The following SLC35F3 variants were observed in gnomAD, a reference collection of about 807,000 sequenced individuals.
SLC35F3 encodes the protein solute carrier family 35 member F3.
SLC35F3 carries 25 observed loss-of-function variants against 49.9 expected under a neutral mutation model. The ratio of observed to expected loss-of-function variants is 0.50; its 90% confidence interval spans 0.37 to 0.70. The LOEUF (loss-of-function observed/expected upper bound fraction) is 0.70, where lower values mean the gene tolerates loss of function less well. Among genes scored for constraint, SLC35F3 ranks in the 30% least tolerant of loss-of-function variants. The pLI is 0.00. For synonymous variants in SLC35F3, 275 were observed against 265.4 expected (o/e 1.04, Z -0.35); for missense variants, 525 against 639.8 (o/e 0.82, Z 1.94).
At position 234,019,029 on chromosome 1, in the gene SLC35F3, A is replaced by G. The variant is rs150132135; in HGVS notation, c.283+113271A>G. Among the ~76,000 whole-genome samples the G allele has an allele frequency of 2.4e-3, 368 of 152,274 alleles. 3 individuals carry two copies. Among genetic ancestry groups the G allele is most frequent in the African/African-American group, 8.3e-3 (343 of 41,548 alleles). ...TACCTTTGGCCAGGCACATGTCCCA[A>G]CCTGACCAGGTGGAAGCAGATTGAC... On this transcript the variant is annotated intron_variant, in intron 2 of 7. Transcript: ENST00000366618.
intron 2 of SLC35F3, among the ~76,000 whole-genome samples, chr1:234,066,967 G>A (rs184605388): frequency 1.8e-4 from 28 of 152,076 alleles, no homozygotes; most frequent in African/African-American, 6.3e-4. Flanking sequence ...CTTCATTTGC[G>A]TATGAATAAA....
At chr1:234,289,439 T>C (rs1223917307) in intron 3 of SLC35F3, among the ~76,000 whole-genome samples, 2 of 152,154 alleles carry the variant, frequency 1.3e-5, no homozygotes, top group East Asian at 1.9e-4. Context: ...CCTCCCACCT[T>C]ACTGGAAATA....
intron 2 of SLC35F3, among the ~76,000 whole-genome samples, chr1:234,081,863 G>C (rs1436621549): frequency 7.0e-6 from 1 of 143,840 alleles, no homozygotes. Context: ...TCAGCCTTCA[G>C]AGTAACTGGG....
chr1:233,955,281 CAAG>C (rs566716741), intron 2 of SLC35F3, among the ~76,000 whole-genome samples: 153 of 152,294 alleles, frequency 1.0e-3, no homozygotes, highest in Non-Finnish European at 1.7e-3. Context: ...TAAATTCCAC[CAAG>C]AAGGTCTTTC....
At chr1:233,908,608 C>A (rs565178573) in intron 2 of SLC35F3, among the ~76,000 whole-genome samples, 4 of 130,522 alleles carry the variant, frequency 3.1e-5, no homozygotes, top group Non-Finnish European at 6.2e-5. Flanking sequence ...ATGGTGCAAT[C>A]TCGGCTCACT....
At chr1:234,139,360 T>A (rs1322107991) in intron 2 of SLC35F3, among the ~76,000 whole-genome samples, 2 of 152,192 alleles carry the variant, frequency 1.3e-5, no homozygotes, top group Non-Finnish European at 2.9e-5. Context: ...AAGGCTCAAA[T>A]GGACAACGCA....
chr1:234,148,852 G>GA (rs1258264174), intron 2 of SLC35F3, among the ~76,000 whole-genome samples: 1 of 151,790 alleles, frequency 6.6e-6, no homozygotes, highest in East Asian at 1.9e-4. Flanking sequence ...GAGGGAAGAG[G>GA]AAAAAAAAGA....
chr1:234,190,094 A>T (rs1666708815), intron 2 of SLC35F3, among the ~76,000 whole-genome samples: 1 of 152,226 alleles, frequency 6.6e-6, no homozygotes, highest in Non-Finnish European at 1.5e-5. Context: ...AATCCTGGAA[A>T]CACACCAAAA....
chr1:234,007,994 G>T (rs1663657330), intron 2 of SLC35F3, among the ~76,000 whole-genome samples: 1 of 152,118 alleles, frequency 6.6e-6, no homozygotes, highest in African/African-American at 2.4e-5. Flanking sequence ...GAAAAATGAA[G>T]GTTAGTAATT....
rs140525130 is a variant in SLC35F3, at chr1:234,293,575, A to G, written c.609-15526A>G. The stretch of plus-strand genomic sequence containing the variant: ...TTACAAGAAGCCATCAGCATGTGCC[A>G]TGGAAATCCATCCAGCTCTAAAGTC... On this transcript the variant is annotated intron_variant, in intron 3 of 7. Coordinates refer to ENST00000366618, the MANE Select transcript of SLC35F3 (RefSeq NM_173508.4). Among the ~76,000 whole-genome samples the G allele has an allele frequency of 1.6e-3, 237 of 152,330 alleles. 1 individual carries two copies. The highest frequency in any genetic ancestry group is 5.6e-3 in the African/African-American group (234 of 41,574).
intron 2 of SLC35F3, among the ~76,000 whole-genome samples, chr1:234,115,315 G>A (rs543510142): frequency 1.3e-5 from 2 of 152,248 alleles, no homozygotes; most frequent in African/African-American, 4.8e-5. Context: ...GCCTATGCGT[G>A]GACTTGTGGT....
At chr1:234,123,244 TG>T (rs1306038395) in intron 2 of SLC35F3, among the ~76,000 whole-genome samples, 1 of 152,224 alleles carries the variant, frequency 6.6e-6, no homozygotes, top group African/African-American at 2.4e-5. Context: ...TTTTCATGTT[TG>T]TTGGCCACAT....
intron 2 of SLC35F3, among the ~76,000 whole-genome samples, chr1:234,116,398 G>A (rs1214192115): frequency 6.6e-6 from 1 of 152,138 alleles, no homozygotes; most frequent in Non-Finnish European, 1.5e-5. Context: ...TTCTTATTAA[G>A]TCACAAGACC....
intron 7 of SLC35F3, among the ~76,000 whole-genome samples, chr1:234,322,193 CA>C (rs35591525): frequency 0.12 from 13,456 of 116,422 alleles, 612 homozygotes; most frequent in South Asian, 0.17. Flanking sequence ...GACCCTGTCT[CA>C]AAAAAAAAAA....
rs542540938 is a variant in SLC35F3, at chr1:234,194,923, G to A, written c.284-36494G>A. 6.6e-5 allele frequency among the ~76,000 whole-genome samples: 10 copies of A among 152,276 alleles called. No individual in the cohort carries two copies. The South Asian group carries it at 1.0e-3, about 16-fold the overall frequency. On this transcript the variant is annotated intron_variant, in intron 2 of 7. Transcript: ENST00000366618. Reference sequence around the variant, plus strand: ...GCAATTAGGGCGACAGACAGATGACGGGTTTCTACATGTTTGGAAAGAGCA... The same window carrying A: ...GCAATTAGGGCGACAGACAGATGACAGGTTTCTACATGTTTGGAAAGAGCA...
rs571278028 is a variant in SLC35F3 at position 234,120,196 on chromosome 1, A to G, written c.284-111221A>G. ...ATAAAATTGAGGCATCTCAAATGGC[A>G]TAATTTCACTCGGCTTACATTCTTA... On this transcript the variant is annotated intron_variant, in intron 2 of 7. Transcript: ENST00000366618. Among the ~76,000 whole-genome samples the G allele has an allele frequency of 7.9e-5, 12 of 152,376 alleles. No homozygotes were observed. In the South Asian group the frequency reaches 2.3e-3, roughly 29 times the overall value.
intron 2 of SLC35F3, among the ~76,000 whole-genome samples, chr1:233,956,275 A>G (rs940089044): frequency 6.6e-6 from 1 of 152,132 alleles, no homozygotes; most frequent in Non-Finnish European, 1.5e-5. Context: ...CCATATTCTA[A>G]AGAAAGTCAG....
intron 2 of SLC35F3, among the ~76,000 whole-genome samples, chr1:234,058,179 G>A (rs1201032474): frequency 6.7e-6 from 1 of 150,190 alleles, no homozygotes; most frequent in Non-Finnish European, 1.5e-5. Flanking sequence ...AATTTTTTTT[G>A]GTTTGCTTTG....
intron 2 of SLC35F3, among the ~76,000 whole-genome samples, chr1:233,932,586 A>G (rs185637459): frequency 1.1e-4 from 16 of 152,330 alleles, no homozygotes; most frequent in South Asian, 4.1e-4. Context: ...AAGGGTATGC[A>G]CGTATGTAAG....
Sources: allele counts gnomAD v4.1 joint callset (sites outside exome capture counted in the v4.1 genomes callset), GRCh38; gene constraint gnomAD v4.1.1; transcripts MANE v1.5; gene names NCBI Gene and HGNC (gene_info 2026-07-23, HGNC 2026-07-21).